PTPRD: variants seen among roughly 807,000 people sequenced by gnomAD.
The protein encoded by PTPRD is receptor-type tyrosine-protein phosphatase delta.
A neutral mutation model predicts 214.5 loss-of-function variants in PTPRD; 34 were observed. The observed-to-expected ratio is 0.16, with a 90% CI of 0.12 to 0.21. PTPRD has a LOEUF of 0.21. PTPRD is among the 10% of genes least tolerant of loss of function. PTPRD has a pLI of 1.00. For missense variants in PTPRD, 2,545 were observed against 2,398.7 expected, an observed-to-expected ratio of 1.06 and a Z score of -1.27; for synonymous variants, 1,128 against 845.7, an observed-to-expected ratio of 1.33 and a Z score of -5.79.
intron 19 of PTPRD, among the ~76,000 whole-genome samples, chr9:8,521,936 AC>A (rs1306304061): frequency 6.6e-6 from 1 of 152,222 alleles, no homozygotes; most frequent in Non-Finnish European, 1.5e-5. Flanking sequence ...CTGGAAGGTC[AC>A]CAGCATGTTT....
intron 3 of PTPRD, among the ~76,000 whole-genome samples, chr9:10,298,754 TATA>T (rs1260438217): frequency 2.0e-5 from 3 of 152,006 alleles, no homozygotes; most frequent in Non-Finnish European, 4.4e-5. Context: ...ATCTAACAAA[TATA>T]ATAATAATTA....
chr9:9,688,474 G>A (rs186649712), intron 7 of PTPRD, among the ~76,000 whole-genome samples: 1 of 151,952 alleles, frequency 6.6e-6, no homozygotes, highest in East Asian at 1.9e-4. Flanking sequence ...TGTTGCTGCT[G>A]TTTTGTCTGG....
intron 7 of PTPRD, among the ~76,000 whole-genome samples, chr9:9,726,195 C>A (rs139245370): frequency 8.5e-5 from 13 of 152,158 alleles, no homozygotes; most frequent in Admixed American, 7.2e-4. Context: ...AGAACCTCCT[C>A]GGTTAACTCC....
rs3075574 is a variant in PTPRD, at chr9:10,182,259, C to CAAAAAAAAAAAAAAA, written c.-544-148484_-544-148470dup. Among the ~76,000 whole-genome samples, 66 of 54,442 alleles carry CAAAAAAAAAAAAAAA rather than the reference C, an allele frequency of 1.2e-3. 2 individuals carry two copies. The highest frequency in any genetic ancestry group is 2.4e-3 in the African/African-American group (30 of 12,516). 35.7% of individuals were successfully genotyped at this position (54,442 alleles called of 152,430 possible). ...TGGGCAGCACAGTGAGACTCTGCCT[C>CAAAAAAAAAAAAAAA]AAAAAAAAAAAAAAAAAAAAGAAAA... On this transcript the variant is annotated intron_variant, in intron 3 of 45. Transcript: ENST00000381196.
chr9:8,417,921 A>C (rs991904304), intron 35 of PTPRD, among the ~76,000 whole-genome samples: 6 of 152,162 alleles, frequency 3.9e-5, no homozygotes, highest in Admixed American at 3.3e-4. Context: ...AAAGAGTATT[A>C]AATGTTTTGG....
intron 5 of PTPRD, among the ~76,000 whole-genome samples, chr9:9,835,958 T>C (rs974904013): frequency 1.3e-5 from 2 of 152,172 alleles, no homozygotes; most frequent in African/African-American, 2.4e-5. Context: ...TGGAAATTAC[T>C]CTTATAGAAT....
chr9:10,318,351 C>G (rs1017228456), intron 3 of PTPRD, among the ~76,000 whole-genome samples: 7 of 151,970 alleles, frequency 4.6e-5, no homozygotes, highest in Non-Finnish European at 1.0e-4. Context: ...ATCTTTGATT[C>G]TTAACTTTAA....
chr9:10,594,258 A>G (rs2076149655), intron 2 of PTPRD, among the ~76,000 whole-genome samples: 1 of 147,640 alleles, frequency 6.8e-6, no homozygotes, highest in Non-Finnish European at 1.5e-5. Flanking sequence ...ATATAAATGA[A>G]GGAGAAATTA....
chr9:9,261,637 T>C (rs2099980152), intron 9 of PTPRD, among the ~76,000 whole-genome samples: 1 of 133,566 alleles, frequency 7.5e-6, no homozygotes, highest in South Asian at 2.5e-4. Context: ...CGTGTGTGCA[T>C]GTGCATGCAC....
At chr9:10,333,296 G>C (rs1005104099) in intron 3 of PTPRD, among the ~76,000 whole-genome samples, 1 of 151,802 alleles carries the variant, frequency 6.6e-6, no homozygotes, top group African/African-American at 2.4e-5. Context: ...AACCACAGGA[G>C]CCTTTGGTCC....
intron 9 of PTPRD, among the ~76,000 whole-genome samples, chr9:9,243,011 G>A (rs2099971163): frequency 6.6e-6 from 1 of 152,200 alleles, no homozygotes; most frequent in East Asian, 1.9e-4. Flanking sequence ...ACGTACAGAT[G>A]GGGTTTTGGT....
intron 10 of PTPRD, among the ~76,000 whole-genome samples, chr9:9,152,910 CA>C (rs1410318058): frequency 6.6e-6 from 1 of 152,268 alleles, no homozygotes; most frequent in African/African-American, 2.4e-5. Flanking sequence ...AATTAAGAAT[CA>C]AATGTATCTT....
At chr9:8,558,839 G>T (rs148755767) in intron 14 of PTPRD, among the ~76,000 whole-genome samples, 1 of 152,048 alleles carries the variant, frequency 6.6e-6, no homozygotes, top group Admixed American at 6.6e-5. Context: ...AAATAAAATG[G>T]TAATTGCCAC....
chr9:10,049,407 A>AAAAAGAAAGAAAGAAAGAAAGAAAG (rs1555515116), intron 3 of PTPRD, among the ~76,000 whole-genome samples: 1 of 115,694 alleles, frequency 8.6e-6, no homozygotes, highest in Non-Finnish European at 1.7e-5. Context: ...TTAAAAAAAA[A>AAAAAGAAAGAAAGAAAGAAAGAAAG]AAAGAAAGAA....
intron 10 of PTPRD, among the ~76,000 whole-genome samples, chr9:9,037,473 T>C (rs992610368): frequency 9.9e-5 from 15 of 152,126 alleles, no homozygotes; most frequent in Non-Finnish European, 2.2e-4. Context: ...TTTATAAATA[T>C]AATGGATGGC....
intron 7 of PTPRD, among the ~76,000 whole-genome samples, chr9:9,726,928 T>G (rs1203803597): frequency 1.3e-5 from 2 of 152,176 alleles, no homozygotes; most frequent in African/African-American, 4.8e-5. Context: ...ACCCAAGGTT[T>G]TGTTAAAAAG....
chr9:10,367,251 C>G (rs905166250), intron 2 of PTPRD, among the ~76,000 whole-genome samples: 10 of 152,032 alleles, frequency 6.6e-5, no homozygotes, highest in Admixed American at 3.9e-4. Context: ...TCAATTGTGC[C>G]AAAGCCTTCC....
At chr9:9,213,769 A>T (rs2099950364) in intron 9 of PTPRD, among the ~76,000 whole-genome samples, 1 of 152,134 alleles carries the variant, frequency 6.6e-6, no homozygotes, top group African/African-American at 2.4e-5. Flanking sequence ...AGAAGAGCTG[A>T]TTATTCATCC....
At position 9,039,839 on chromosome 9, in the gene PTPRD, G is replaced by A. The variant is rs10122458; in HGVS notation, c.-142-21104C>T. Among the ~76,000 whole-genome samples the A allele has an allele frequency of 3.3e-3, 501 of 152,266 alleles. 3 individuals carry two copies. Among genetic ancestry groups the A allele is most frequent in the African/African-American group, 0.012 (489 of 41,556 alleles). Reference sequence around the variant, plus strand: ...CTTTTTAAGTGATGGTAGACCTTCTGTGTAGACTAACAATTACAATATCTG... The same window carrying A: ...CTTTTTAAGTGATGGTAGACCTTCTATGTAGACTAACAATTACAATATCTG... On this transcript the variant is annotated intron_variant, in intron 10 of 45. Transcript: ENST00000381196.
Sources: gnomAD v4.1 joint callset for allele counts (sites outside exome capture counted in the v4.1 genomes callset) on GRCh38, gnomAD v4.1.1 for gene constraint, MANE v1.5 for transcripts, NCBI Gene and HGNC (gene_info 2026-07-23, HGNC 2026-07-21) for gene names.